ADCK2: variants seen among roughly 807,000 people sequenced by gnomAD.
The protein encoded by ADCK2 is uncharacterized aarF domain-containing protein kinase 2.
In ADCK2, 37 loss-of-function variants were observed where a neutral mutation model predicts 52.3. That is an observed-to-expected ratio of 0.71 (90% CI 0.54 to 0.93). The LOEUF (loss-of-function observed/expected upper bound fraction) is 0.93. Ranked by LOEUF, ADCK2 falls within the 40% of genes least tolerant of loss-of-function variation. The pLI is 0.00. For missense variants in ADCK2, 695 were observed against 798.7 expected (o/e 0.87, Z 1.56); for synonymous variants, 321 against 349.2 (o/e 0.92, Z 0.90).
Position 140,673,724 on chromosome 7 carries a change from C to T in ADCK2, c.394C>T (p.His132Tyr). 6.2e-7 allele frequency: 1 copy of T among 1,612,290 alleles called. No homozygotes were observed. Among genetic ancestry groups the T allele is most frequent in the Non-Finnish European group, 8.5e-7 (1 of 1,179,794 alleles). The change falls in exon 1 of 8, where the codon CAC (histidine) becomes TAC (tyrosine). Residue 132 changes from histidine (H) to tyrosine (Y), a missense_variant. By Grantham distance (83) the His-to-Tyr change is moderately conservative. Coordinates refer to ENST00000072869, the MANE Select transcript of ADCK2 (RefSeq NM_052853.4). The surrounding 1 kb of genome is among the most constrained non-coding windows in gnomAD (Gnocchi z 6.4). ...TCCCAGCGTCTCCACCCTCTGGCTC[C>T]ACCTGCTTCTGAAAGCCACCGAGAC... ...LAPSVSTLWL[H>Y]LLLKATETSG...
At chr7:140,683,697 T>G (rs886994717) in intron 4 of ADCK2, among the ~76,000 whole-genome samples, 2 of 152,166 alleles carry the variant, frequency 1.3e-5, no homozygotes, top group Non-Finnish European at 2.9e-5. Context: ...ACAGGGTGGT[T>G]TTGTCTACCA....
Position 140,679,256 on chromosome 7 carries a change from C to T in ADCK2, c.1182C>T (p.Thr394=). 4 of 1,614,084 alleles carry T rather than the reference C, an allele frequency of 2.5e-6. No homozygotes were observed. Among genetic ancestry groups the T allele is most frequent in the South Asian group, 1.1e-5 (1 of 91,068 alleles). ...KFPTPLRPFV[T]REVLVETYEE... is the part of the protein sequence containing the mutation. ...CCACCCCTCTGCGCCCCTTTGTCAC[C>T]AGAGAAGTCTTGGTGGAAACGTATG... The change falls in exon 3 of 8, where the codon ACC becomes ACT. Residue 394 remains threonine (T), a synonymous_variant. Coordinates refer to ENST00000072869, the MANE Select transcript of ADCK2 (RefSeq NM_052853.4).
At chr7:140,684,005 G>A (rs192312864) in intron 4 of ADCK2, among the ~76,000 whole-genome samples, 49 of 152,304 alleles carry the variant, frequency 3.2e-4, no homozygotes, top group African/African-American at 1.2e-3. Flanking sequence ...GAGGTTTAAA[G>A]AGAACACAGA....
In ADCK2 at chr7:140,674,641, C is replaced by A. The variant is rs1156357792; in HGVS notation, c.964C>A (p.His322Asn). 1 of 1,614,016 alleles carries A rather than the reference C, an allele frequency of 6.2e-7. No individual in the cohort carries two copies. The highest frequency in any genetic ancestry group is 1.7e-5 in the Admixed American group (1 of 60,014). Residue 322 changes from histidine to asparagine, a missense_variant, in exon 2 of 8, where the codon CAT (histidine) becomes AAT (asparagine). Physicochemically the swap from His to Asn is moderately conservative, Grantham distance 68. Coordinates refer to ENST00000072869, the MANE Select transcript of ADCK2 (RefSeq NM_052853.4). The surrounding 1 kb of genome is among the most constrained non-coding windows in gnomAD (Gnocchi z 4.6). ...GCACCCTGGCCTGCTCGCTCAGGTG[C>A]ATATGGACCTGCTGCTGATGAAGAT... is the stretch of plus-strand genomic sequence containing the variant. Reference protein sequence around the residue: ...VLHPGLLAQVHMDLLLMKIGS... With the variant: ...VLHPGLLAQVNMDLLLMKIGS...
Position 140,694,793 on chromosome 7 carries a change from G to GC in ADCK2, c.1877dup (p.Ter627ValfsTer29), listed in dbSNP as rs750981657. 1.9e-6 allele frequency: 3 copies of GC among 1,612,756 alleles called. No homozygotes were observed. Among genetic ancestry groups the GC allele is most frequent in the South Asian group, 1.1e-5 (1 of 90,768 alleles). ...CCCTTCCTCCTCACGGGCCCAGTGTGCCCCCCGTGATGGGGCAGTGGCCTC... is the reference window on the plus strand; with the variant it reads ...CCCTTCCTCCTCACGGGCCCAGTGTGCCCCCCCGTGATGGGGCAGTGGCCTC... On this transcript the variant is annotated frameshift_variant, in exon 8 of 8. Coordinates refer to ENST00000072869, the MANE Select transcript of ADCK2 (RefSeq NM_052853.4). LOFTEE classifies it high-confidence loss of function.
chr7:140,694,623 A>G (rs1794765908), intron 7 of ADCK2, 40 bp from the exon 8 acceptor site: 2 of 1,590,368 alleles, frequency 1.3e-6, no homozygotes, highest in African/African-American at 1.3e-5. Context: ...TCCCTGTATC[A>G]GCATGTTCTG....
chr7:140,689,119 C>A (rs141812104), intron 5 of ADCK2, among the ~76,000 whole-genome samples: 4,349 of 151,950 alleles, frequency 0.029, 201 homozygotes, highest in African/African-American at 0.097. Context: ...AGGTACCCAC[C>A]ACCATGCCCG....
rs756572139 is a variant in ADCK2 at position 140,690,832 on chromosome 7, G to A, written c.1740+19G>A. 2.5e-6 allele frequency: 4 copies of A among 1,612,234 alleles called. No homozygotes were observed. Among genetic ancestry groups the A allele is most frequent in the Non-Finnish European group, 2.5e-6 (3 of 1,178,682 alleles). On this transcript the variant is annotated intron_variant, in intron 7 of 7. Transcript: ENST00000072869. ...TCACAAGGTGAGGGCCATTCAGAGG[G>A]GAGGTCTCTGGGGAAGGTGGGACGG...
chr7:140,691,191 G>T (rs2130792704), intron 7 of ADCK2, among the ~76,000 whole-genome samples: 1 of 152,274 alleles, frequency 6.6e-6, no homozygotes, highest in South Asian at 2.1e-4. Flanking sequence ...CTCCCAAAGT[G>T]CTGGGATTAC....
rs200474792 is a variant in ADCK2 at position 140,687,122 on chromosome 7, G to A, written c.1438G>A (p.Val480Met). 7.1e-5 allele frequency: 114 copies of A among 1,613,660 alleles called. 1 individual carries two copies. The highest frequency in any genetic ancestry group is 2.1e-5 in the Non-Finnish European group (25 of 1,179,966). Residue 480 changes from valine (V) to methionine (M), a missense_variant, in exon 5 of 8, where the codon GTG (valine) becomes ATG (methionine). By Grantham distance (21) the Val-to-Met change is conservative. Transcript: ENST00000072869. The stretch of plus-strand genomic sequence containing the variant: ...CATCTGTGACACTCTGGTGGTGGCC[G>A]TGCCATCTTCCCTCTGCCCGCTGCG... ...ADICDTLVVA[V>M]PSSLCPLRLV...
Position 140,681,127 on chromosome 7 carries a change from T to C in ADCK2, c.1295T>C (p.Leu432Pro). Reference sequence around the variant, plus strand: ...ATTGCACGGCTGGGGATCAACATGCTCCTGAAGATGGTGAGCTCATGGCTG... The same window carrying C: ...ATTGCACGGCTGGGGATCAACATGCCCCTGAAGATGGTGAGCTCATGGCTG... ...RKIARLGINMLLKMIFVDNFV... is the reference protein window; with the variant it reads ...RKIARLGINMPLKMIFVDNFV... Residue 432 changes from leucine (L) to proline (P), a missense_variant, in exon 4 of 8, where the codon CTC becomes CCC. Coordinates refer to ENST00000072869, the MANE Select transcript of ADCK2 (RefSeq NM_052853.4). 1 of 1,614,008 alleles carries C rather than the reference T, an allele frequency of 6.2e-7. No homozygotes were observed. The highest frequency in any genetic ancestry group is 8.5e-7 in the Non-Finnish European group (1 of 1,179,956).
chr7:140,682,847 A>G (rs896141773), intron 4 of ADCK2, among the ~76,000 whole-genome samples: 3 of 145,546 alleles, frequency 2.1e-5, no homozygotes, highest in Non-Finnish European at 3.0e-5. Flanking sequence ...AAAAAAAAAT[A>G]CAAAAATTGG....
At chr7:140,690,686 G>A in intron 6 of ADCK2, 74 bp from the exon 7 acceptor site, 1 of 1,411,556 alleles carries the variant, frequency 7.1e-7, no homozygotes, top group Non-Finnish European at 9.9e-7. Context: ...GGGGCTGAGA[G>A]TGTGGGGGTG....
chr7:140,673,585 C>T lies in ADCK2; in HGVS notation c.255C>T (p.Pro85=). The T allele has an allele frequency of 1.2e-6, 2 of 1,605,302 alleles. No homozygotes were observed. The highest frequency in any genetic ancestry group is 8.5e-7 in the Non-Finnish European group (1 of 1,179,136). Residue 85 remains proline, a synonymous_variant, in exon 1 of 8, where the codon CCC becomes CCT. Coordinates refer to ENST00000072869, the MANE Select transcript of ADCK2 (RefSeq NM_052853.4). The surrounding 1 kb of genome is among the most constrained non-coding windows in gnomAD (Gnocchi z 6.4). ...AAGAGPAESL[P]RAGPLGGVFL... ...GCGCGGGGCCCGCGGAGAGCCTCCC[C>T]CGAGCGGGACCTCTGGGCGGCGTCT...
intron 2 of ADCK2, among the ~76,000 whole-genome samples, chr7:140,677,462 G>A (rs567036594): frequency 2.4e-4 from 37 of 151,564 alleles, no homozygotes; most frequent in African/African-American, 8.0e-4. Context: ...CTGTATCCCC[G>A]GATTCAATAA....
intron 3 of ADCK2, among the ~76,000 whole-genome samples, chr7:140,679,900 C>T (rs1431143257): frequency 6.6e-6 from 1 of 152,120 alleles, no homozygotes; most frequent in East Asian, 1.9e-4. Context: ...TCTGGAACTC[C>T]TGACCTCAAG....
intron 4 of ADCK2, among the ~76,000 whole-genome samples, chr7:140,683,104 C>T (rs1013219612): frequency 2.6e-5 from 4 of 151,498 alleles, no homozygotes; most frequent in African/African-American, 9.7e-5. Flanking sequence ...AGATCGAGAC[C>T]ATCCTGGCCA....
rs764220798 is a variant in ADCK2 at position 140,674,218 on chromosome 7, TGGCCACCAACCTGA to T, written c.901_914del (p.Glu301HisfsTer40). 5.0e-6 allele frequency: 8 copies of T among 1,613,490 alleles called. No individual in the cohort carries two copies. Among genetic ancestry groups the T allele is most frequent in the East Asian group, 2.2e-5 (1 of 44,830 alleles). On this transcript the variant is annotated frameshift_variant, in exon 1 of 8. Transcript: ENST00000072869. LOFTEE classifies it high-confidence loss of function. This position sits in a 1 kb window ranked among gnomAD's most constrained non-coding sequence, Gnocchi z 4.6. ...CAGGGGTGTCTCGGGCTCAGGTCCC[TGGCCACCAACCTGA>T]GGCCACCAACCTCATCTCCGTGGCA...
In ADCK2 at chr7:140,673,191, A is replaced by C; in HGVS notation, c.-140A>C. The C allele has an allele frequency of 5.3e-6, 3 of 569,240 alleles. No homozygotes were observed. The highest frequency in any genetic ancestry group is 7.9e-6 in the Non-Finnish European group (3 of 377,954). The allele number at this position is 569,240 out of a possible 1,614,324, so 35.3% of individuals were successfully genotyped here. A position where few individuals can be genotyped will look rare whatever the true frequency, so the allele number is the denominator to read the frequency against. The stretch of plus-strand genomic sequence containing the variant: ...GGCCTGAGGCCCGGCGAGGTGCTGG[A>C]GGGAGCGGGGCGCGGATCCGGCCCA... On this transcript the variant is annotated 5_prime_UTR_variant, in exon 1 of 8. Coordinates refer to ENST00000072869, the MANE Select transcript of ADCK2 (RefSeq NM_052853.4). The surrounding 1 kb of genome is among the most constrained non-coding windows in gnomAD (Gnocchi z 6.4).
Sources: allele counts gnomAD v4.1 joint callset (sites outside exome capture counted in the v4.1 genomes callset), GRCh38; gene constraint gnomAD v4.1.1; non-coding constraint Gnocchi (gnomAD v3.1); transcripts MANE v1.5; gene names NCBI Gene and HGNC (gene_info 2026-07-23, HGNC 2026-07-21).